NEK10: variants seen among roughly 807,000 people sequenced by gnomAD.
NEK10 encodes the protein serine/threonine-protein kinase Nek10.
In NEK10, 122 loss-of-function variants were observed where a neutral mutation model predicts 159.8. The observed-to-expected ratio is 0.76, with a 90% CI of 0.66 to 0.89. NEK10 has a LOEUF of 0.89. NEK10 is among the 40% of genes least tolerant of loss of function. The pLI is 0.00. For synonymous variants in NEK10, 466 were observed against 457.1 expected, an observed-to-expected ratio of 1.02 and a Z score of -0.25; for missense variants, 1,342 against 1,323.1, an observed-to-expected ratio of 1.01 and a Z score of -0.22.
At chr3:27,131,610 A>G (rs1326772409) in intron 32 of NEK10, among the ~76,000 whole-genome samples, 1 of 152,196 alleles carries the variant, frequency 6.6e-6, no homozygotes, top group Non-Finnish European at 1.5e-5. Context: ...AGAAGAGGCT[A>G]AAATATACAC....
chr3:27,359,084 C>T (rs754980422), intron 1 of NEK10, among the ~76,000 whole-genome samples: 1 of 151,948 alleles, frequency 6.6e-6, no homozygotes, highest in Non-Finnish European at 1.5e-5. Flanking sequence ...TGCCTGTAGT[C>T]CCAGTTACTC....
At chr3:27,348,986 T>C (rs1575865985) in intron 3 of NEK10, among the ~76,000 whole-genome samples, 1 of 152,216 alleles carries the variant, frequency 6.6e-6, no homozygotes, top group African/African-American at 2.4e-5. Flanking sequence ...ACACATCATA[T>C]ACCAGACATT....
At chr3:27,288,038 C>A (rs906063977) in intron 19 of NEK10, among the ~76,000 whole-genome samples, 6 of 152,158 alleles carry the variant, frequency 3.9e-5, no homozygotes, top group Non-Finnish European at 5.9e-5. Flanking sequence ...GTAGAAGGAA[C>A]CTTAAGAATT....
chr3:27,162,710 G>T lies in NEK10; in HGVS notation c.2860C>A (p.Pro954Thr). The T allele has an allele frequency of 6.2e-7, 1 of 1,614,032 alleles. No individual in the cohort carries two copies. Among genetic ancestry groups the T allele is most frequent in the Non-Finnish European group, 8.5e-7 (1 of 1,179,962 alleles). ...ACCAACACTAAGTTACCTGGTCTTGGTCTTGATCCTGTTCCTCCAGTGAAG... is the reference window on the plus strand; with the variant it reads ...ACCAACACTAAGTTACCTGGTCTTGTTCTTGATCCTGTTCCTCCAGTGAAG... ...RDFTGGTGSR[P>T]RPASAGIAVS... Residue 954 changes from proline to threonine, a missense_variant, in exon 30 of 36, where the codon CCA becomes ACA. By Grantham distance (38) the Pro-to-Thr change is conservative. Coordinates refer to ENST00000691995, the MANE Select transcript of NEK10 (RefSeq NM_001394966.1).
chr3:27,110,993 C>T lies in NEK10; in HGVS notation c.*279G>A, dbSNP rs1266296185. The T allele has an allele frequency of 6.6e-6, 2 of 302,418 alleles. No individual in the cohort carries two copies. The highest frequency in any genetic ancestry group is 1.1e-4 in the East Asian group (2 of 18,772). 18.7% of individuals were successfully genotyped at this position (302,418 alleles called of 1,614,324 possible). A position where few individuals can be genotyped will look rare whatever the true frequency, so the allele number is the denominator to read the frequency against. ...TTGTTGTTTTTGGGTTTTCCCCCCA[C>T]CCTCCAAAAGATGAATTTTGCAGCA... is the stretch of plus-strand genomic sequence containing the variant. On this transcript the variant is annotated 3_prime_UTR_variant, in exon 36 of 36. Transcript: ENST00000691995.
At chr3:27,197,151 A>T (rs929511823) in intron 25 of NEK10, among the ~76,000 whole-genome samples, 10 of 151,988 alleles carry the variant, frequency 6.6e-5, no homozygotes, top group African/African-American at 2.4e-4. Context: ...AATAATGGTC[A>T]AATCACTCTT....
chr3:27,335,286 G>A (rs1397658206), intron 5 of NEK10, among the ~76,000 whole-genome samples: 1 of 151,148 alleles, frequency 6.6e-6, no homozygotes, highest in Admixed American at 6.6e-5. Context: ...GTTGCAGTGA[G>A]CCGAGAATGC....
intron 31 of NEK10, among the ~76,000 whole-genome samples, chr3:27,139,235 C>T (rs938664236): frequency 1.3e-5 from 2 of 152,118 alleles, no homozygotes; most frequent in African/African-American, 2.4e-5. Context: ...ACTAACAATC[C>T]TAAAACCAAG....
intron 23 of NEK10, among the ~76,000 whole-genome samples, chr3:27,207,354 G>T (rs1416795340): frequency 6.6e-6 from 1 of 152,092 alleles, no homozygotes; most frequent in African/African-American, 2.4e-5. Context: ...AACCTTAAGA[G>T]AAATTGAAAA....
Position 27,116,077 on chromosome 3 carries a change from G to A in NEK10, c.3241C>T (p.Gln1081Ter), listed in dbSNP as rs755605805. 2.5e-6 allele frequency: 4 copies of A among 1,613,314 alleles called. No individual in the cohort carries two copies. The African/African-American group carries it at 5.3e-5, about 22-fold the overall frequency. The change falls in exon 34 of 36, where the codon CAG becomes TAG. Residue 1081 changes from glutamine to a stop codon, truncating the protein, a stop_gained and splice_region_variant. Coordinates refer to ENST00000691995, the MANE Select transcript of NEK10 (RefSeq NM_001394966.1). LOFTEE classifies it high-confidence loss of function. ...LEEGITYEQM[Q>*]TVIEEVLEES... is the part of the protein sequence containing the mutation. ...CAGAGACACTGCAAAAACCTCACCTGCATCTGTTCATATGTTATTCCTTCC... is the reference window on the plus strand; with the variant it reads ...CAGAGACACTGCAAAAACCTCACCTACATCTGTTCATATGTTATTCCTTCC...
chr3:27,206,068 G>A (rs188737321), intron 23 of NEK10, among the ~76,000 whole-genome samples: 158 of 152,340 alleles, frequency 1.0e-3, no homozygotes, highest in African/African-American at 3.4e-3. Flanking sequence ...CCATTGGTGA[G>A]GGCAGAGCCC....
At chr3:27,173,993 T>G (rs1180276210) in intron 28 of NEK10, among the ~76,000 whole-genome samples, 1 of 152,220 alleles carries the variant, frequency 6.6e-6, no homozygotes, top group African/African-American at 2.4e-5. Flanking sequence ...CTAAAAAAAT[T>G]TCTTTTATTT....
intron 5 of NEK10, among the ~76,000 whole-genome samples, chr3:27,335,806 T>C (rs1411237008): frequency 6.6e-6 from 1 of 152,102 alleles, no homozygotes; most frequent in Non-Finnish European, 1.5e-5. Flanking sequence ...AAAAATTTCT[T>C]GAAACAAATG....
intron 5 of NEK10, among the ~76,000 whole-genome samples, chr3:27,322,522 A>C (rs2045720875): frequency 6.6e-6 from 1 of 152,208 alleles, no homozygotes; most frequent in Non-Finnish European, 1.5e-5. Flanking sequence ...AATATTTCAT[A>C]GTACCCTAAG....
At chr3:27,240,625 A>C (rs1954441852) in intron 23 of NEK10, among the ~76,000 whole-genome samples, 1 of 150,408 alleles carries the variant, frequency 6.6e-6, no homozygotes, top group Non-Finnish European at 1.5e-5. Flanking sequence ...TTCTTACCTC[A>C]TTCTGATTTA....
chr3:27,215,033 G>T, intron 23 of NEK10: 1 of 591,200 alleles, frequency 1.7e-6, no homozygotes, highest in African/African-American at 1.9e-5. Context: ...TTCCCCACCG[G>T]CGCCTCCAGC....
intron 23 of NEK10, chr3:27,206,626 T>G (rs945282731): frequency 1.0e-6 from 1 of 985,210 alleles, no homozygotes; most frequent in African/African-American, 1.7e-5. Context: ...AACCATATGC[T>G]GGTAACTCGC....
intron 5 of NEK10, among the ~76,000 whole-genome samples, chr3:27,341,159 A>G (rs751008024): frequency 8.5e-5 from 13 of 152,168 alleles, no homozygotes; most frequent in Non-Finnish European, 1.6e-4. Context: ...TCAGTCTCAT[A>G]AAGATAGAGA....
intron 29 of NEK10, among the ~76,000 whole-genome samples, chr3:27,164,086 T>C (rs1358603201): frequency 1.3e-5 from 2 of 152,180 alleles, no homozygotes; most frequent in African/African-American, 4.8e-5. Context: ...TTTTGTTCCA[T>C]TCTGAGCTCA....
Sources: allele counts gnomAD v4.1 joint callset (sites outside exome capture counted in the v4.1 genomes callset), GRCh38; gene constraint gnomAD v4.1.1; transcripts MANE v1.5; gene names NCBI Gene and HGNC (gene_info 2026-07-23, HGNC 2026-07-21).